Variants in TAF1 observed in about 807,000 individuals in gnomAD.
The protein encoded by TAF1 is transcription initiation factor TFIID subunit 1.
In TAF1, 2 loss-of-function variants were observed where a neutral mutation model predicts 138.5. That is an observed-to-expected ratio of 0.01 (90% CI 0.01 to 0.05). The LOEUF (loss-of-function observed/expected upper bound fraction) is 0.05, where lower values mean the gene tolerates loss of function less well. TAF1 is among the 10% of genes least tolerant of loss of function. TAF1 has a pLI of 1.00. For missense variants in TAF1, 709 were observed against 1,478.0 expected, an observed-to-expected ratio of 0.48 and a Z score of 8.53; for synonymous variants, 437 against 503.2, an observed-to-expected ratio of 0.87 and a Z score of 1.76.
chrX:71,442,874 A>C (rs1207509616), intron 32 of TAF1, among the ~76,000 whole-genome samples: 1 of 112,153 alleles, frequency 8.9e-6, no homozygotes, highest in African/African-American at 3.2e-5. Flanking sequence ...TCAGCTTTCT[A>C]CATACGGCTA....
rs1350097692 is a variant in TAF1 at position 71,459,591 on chromosome X, G to A, written c.5104G>A (p.Glu1702Lys). 1.7e-6 allele frequency: 2 copies of A among 1,211,212 alleles called. No individual in the cohort carries two copies. Among genetic ancestry groups the A allele is most frequent in the Non-Finnish European group, 2.2e-6 (2 of 895,373 alleles). The change falls in exon 36 of 38, where the codon GAA becomes AAA. Residue 1702 changes from glutamate to lysine, a missense_variant. Transcript: ENST00000423759. ...DGDGDLADEEEGTVQQPQASV... is the reference protein window; with the variant it reads ...DGDGDLADEEKGTVQQPQASV... ...AGATGGTGATCTTGCAGATGAAGAG[G>A]AAGGAACTGTACAACAGCCTCAAGC... is the stretch of plus-strand genomic sequence containing the variant.
chrX:71,492,358 C>T (rs2039305763), intron 13 of TAF1: 1 of 129,337 alleles, frequency 7.7e-6, no homozygotes, highest in Admixed American at 9.2e-5. Context: ...GCTTTCTTCT[C>T]CTTGGGCGTG....
chrX:71,407,720 T>C (rs781745494), intron 27 of TAF1, 48 bp downstream of exon 27: 6 of 1,137,123 alleles, frequency 5.3e-6, no homozygotes, highest in Non-Finnish European at 7.2e-6. Context: ...CAAGGCCTTT[T>C]GTTCTGTCTG....
At chrX:71,494,525 A>G (rs1301592385) in intron 13 of TAF1, among the ~76,000 whole-genome samples, 1 of 112,485 alleles carries the variant, frequency 8.9e-6, no homozygotes, top group African/African-American at 3.2e-5. Flanking sequence ...GTGGCCCAAG[A>G]CAATTCTTCT....
chrX:71,461,442 G>T (rs868782586), intron 37 of TAF1, among the ~76,000 whole-genome samples: 1 of 111,217 alleles, frequency 9.0e-6, no homozygotes, highest in Middle Eastern at 4.6e-3. Flanking sequence ...GGACAATGTG[G>T]GACACATGAT....
At chrX:71,373,633 C>T (rs1413844730) in intron 3 of TAF1, among the ~76,000 whole-genome samples, 1 of 111,650 alleles carries the variant, frequency 9.0e-6, no homozygotes. Flanking sequence ...TTATAAGGTA[C>T]AGCTGTTAAA....
chrX:71,512,187 C>T (rs1007457955), intron 13 of TAF1, among the ~76,000 whole-genome samples: 3 of 110,635 alleles, frequency 2.7e-5, no homozygotes, highest in Admixed American at 9.7e-5. Flanking sequence ...TGGTGGCTGG[C>T]GCCTGTAGTC....
chrX:71,471,926 T>C (rs2038897608), intron 13 of TAF1, among the ~76,000 whole-genome samples: 1 of 112,271 alleles, frequency 8.9e-6, no homozygotes, highest in African/African-American at 3.2e-5. Context: ...CTCTGATTAG[T>C]TGAGGTACTT....
intron 3 of TAF1, among the ~76,000 whole-genome samples, chrX:71,369,406 T>A (rs2032847537): frequency 9.0e-6 from 1 of 111,181 alleles, no homozygotes; most frequent in Admixed American, 9.6e-5. Flanking sequence ...AGTCAGTGAG[T>A]GGAAGGAGTC....
In TAF1 at chrX:71,419,935, C is replaced by A. The variant is rs762266642; in HGVS notation, c.4385-1374C>A. The A allele has an allele frequency of 2.3e-5, 5 of 214,109 alleles. No individual in the cohort carries two copies. In the East Asian group the frequency reaches 4.6e-4, roughly 20 times the overall value. 17.6% of individuals were successfully genotyped at this position (214,109 alleles called of 1,213,427 possible). ...CCTCAGCAGTTAGTTATGGGATTCT[C>A]CCCCCCTTCCACAGTATATCTTTTT... On this transcript the variant is annotated intron_variant, in intron 28 of 37. Transcript: ENST00000423759.
intron 13 of TAF1, among the ~76,000 whole-genome samples, chrX:71,520,693 A>C (rs779959296): frequency 1.2e-3 from 49 of 41,954 alleles, no homozygotes; most frequent in East Asian, 3.9e-3. Flanking sequence ...TCAAAACAAA[A>C]AAAAAAAAAG....
chrX:71,516,427 G>C (rs1362761401), intron 13 of TAF1, among the ~76,000 whole-genome samples: 1 of 109,363 alleles, frequency 9.1e-6, no homozygotes, highest in Non-Finnish European at 1.9e-5. Flanking sequence ...AAGTTCTGGA[G>C]ATCCATTGCA....
At chrX:71,474,451 G>A (rs1243085658) in intron 13 of TAF1, among the ~76,000 whole-genome samples, 2 of 111,408 alleles carry the variant, frequency 1.8e-5, no homozygotes, top group African/African-American at 6.5e-5. Flanking sequence ...GAGAATATGG[G>A]CTAGATTTGG....
At chrX:71,377,275 A>G (rs1387871199) in intron 5 of TAF1, 84 bp downstream of exon 5, 10 of 1,159,666 alleles carry the variant, frequency 8.6e-6, no homozygotes, top group Non-Finnish European at 1.2e-5. Flanking sequence ...CTGAGTATGG[A>G]ATGGGGTTTC....
intron 32 of TAF1, among the ~76,000 whole-genome samples, chrX:71,448,840 C>T (rs1402060067): frequency 2.1e-5 from 2 of 95,424 alleles, no homozygotes; most frequent in Non-Finnish European, 4.1e-5. Context: ...TTTTTTGAGA[C>T]GGAGTTTCGC....
chrX:71,508,617 A>G (rs1048441272), intron 13 of TAF1, among the ~76,000 whole-genome samples: 5 of 105,441 alleles, frequency 4.7e-5, no homozygotes, highest in African/African-American at 1.7e-4. Context: ...AAAAAAAAAA[A>G]AAAAAGAAAA....
intron 13 of TAF1, among the ~76,000 whole-genome samples, chrX:71,503,346 G>GTA (rs1177943296): frequency 0.013 from 1,232 of 91,695 alleles, 60 homozygotes; most frequent in Admixed American, 0.086. Flanking sequence ...ATATATATGT[G>GTA]TATATATATA....
At position 71,457,026 on chromosome X, in the gene TAF1, C is replaced by G. The variant is rs191662922; in HGVS notation, c.4939-1215C>G. Among the ~76,000 whole-genome samples, 789 of 111,878 alleles carry G rather than the reference C, an allele frequency of 7.1e-3. 9 individuals are homozygous for G. Among genetic ancestry groups the G allele is most frequent in the African/African-American group, 0.025 (761 of 30,797 alleles). On this transcript the variant is annotated intron_variant, in intron 34 of 37. Coordinates refer to ENST00000423759, the MANE Select transcript of TAF1 (RefSeq NM_004606.5). ...AACTTGGATTGCATCATCTGTTCAG[C>G]TTAACACCTTATCTAAAACTGTTGA...
intron 17 of TAF1, 44 bp downstream of exon 17, chrX:71,388,912 TG>T: frequency 8.6e-7 from 1 of 1,161,164 alleles, no homozygotes; most frequent in Non-Finnish European, 1.2e-6. Context: ...TGTGGTTTTT[TG>T]TTTTTTTTTT....
Sources: allele counts gnomAD v4.1 joint callset (sites outside exome capture counted in the v4.1 genomes callset), GRCh38; gene constraint gnomAD v4.1.1; transcripts MANE v1.5; gene names NCBI Gene and HGNC (gene_info 2026-07-23, HGNC 2026-07-21).